ANAPC1: variants seen among roughly 807,000 people sequenced by gnomAD.
ANAPC1 encodes anaphase promoting complex subunit 1.
In ANAPC1, 36 loss-of-function variants were observed where a neutral mutation model predicts 208.0. The ratio of observed to expected loss-of-function variants is 0.17; its 90% CI spans 0.13 to 0.23. ANAPC1 has a LOEUF of 0.23. Among genes scored for constraint, ANAPC1 ranks in the 10% least tolerant of loss-of-function variants. The pLI, the probability that ANAPC1 is intolerant of heterozygous loss-of-function variation, is 1.00. For missense variants in ANAPC1, 942 were observed against 2,011.6 expected (o/e 0.47, Z 10.17); for synonymous variants, 378 against 695.2 (o/e 0.54, Z 7.18).
rs1214379976 is a variant in ANAPC1, at chr2:111,824,844, C to T, written c.2812+122G>A. 3.9e-6 allele frequency: 4 copies of T among 1,031,980 alleles called. No individual in the cohort carries two copies. The African/African-American group carries it at 4.8e-5, about 12-fold the overall frequency. The allele number at this position is 1,031,980 out of a possible 1,614,324, so 63.9% of individuals were successfully genotyped here. ...GAAAAAAAGAATATGGCTTGATGAA[C>T]CATAATCTCAATCTTGTGAGGCCTT... On this transcript the variant is annotated intron_variant, in intron 24 of 47. Coordinates refer to ENST00000341068, the MANE Select transcript of ANAPC1 (RefSeq NM_022662.4).
At chr2:111,870,516 T>C (rs545168209) in intron 6 of ANAPC1, among the ~76,000 whole-genome samples, 1 of 151,808 alleles carries the variant, frequency 6.6e-6, no homozygotes, top group Non-Finnish European at 1.5e-5. Context: ...GTATCTTCTT[T>C]TGAGAACTGT....
intron 38 of ANAPC1, among the ~76,000 whole-genome samples, chr2:111,791,040 A>C (rs1370410700): frequency 6.6e-6 from 1 of 152,270 alleles, no homozygotes; most frequent in Non-Finnish European, 1.5e-5. Context: ...ATACTTAAAA[A>C]TTGATAAGTT....
intron 1 of ANAPC1, among the ~76,000 whole-genome samples, chr2:111,882,566 C>T (rs1344575997): frequency 6.7e-6 from 1 of 150,128 alleles, no homozygotes; most frequent in Non-Finnish European, 1.5e-5. Context: ...CCTGTCTCTA[C>T]TAAAAATACA....
intron 7 of ANAPC1, chr2:111,866,276 T>C (rs1682409639): frequency 2.6e-6 from 1 of 378,554 alleles, no homozygotes; most frequent in African/African-American, 2.2e-5. Flanking sequence ...GTGAAGCGAG[T>C]GTCTTCAATG....
intron 17 of ANAPC1, among the ~76,000 whole-genome samples, chr2:111,839,333 T>C (rs1680637384): frequency 6.6e-6 from 1 of 152,262 alleles, no homozygotes; most frequent in Non-Finnish European, 1.5e-5. Context: ...ATTACAATAG[T>C]GAGCCTATCT....
intron 1 of ANAPC1, among the ~76,000 whole-genome samples, chr2:111,881,682 G>A (rs559179314): frequency 3.3e-5 from 5 of 152,236 alleles, no homozygotes; most frequent in South Asian, 2.1e-4. Flanking sequence ...ATTGTCCTTC[G>A]ATCCACTTTC....
chr2:111,852,138 C>T (rs1232940383), intron 13 of ANAPC1, among the ~76,000 whole-genome samples: 22 of 149,198 alleles, frequency 1.5e-4, no homozygotes, highest in Non-Finnish European at 4.5e-5. Flanking sequence ...AAGCACATAC[C>T]ATGCTATTCC....
At chr2:111,829,253 T>C (rs1680000499) in intron 21 of ANAPC1, among the ~76,000 whole-genome samples, 1 of 152,246 alleles carries the variant, frequency 6.6e-6, no homozygotes, top group South Asian at 2.1e-4. Context: ...AAATATTATG[T>C]TATATATATT....
rs1677036404 is a variant in ANAPC1 at position 111,777,165 on chromosome 2, T to G, written c.5386-108A>C. 1.3e-5 allele frequency: 8 copies of G among 629,772 alleles called. No homozygotes were observed. In the South Asian group the frequency reaches 1.3e-4, roughly 11 times the overall value. 39.0% of individuals were successfully genotyped at this position (629,772 alleles called of 1,614,324 possible). A position where few individuals can be genotyped will look rare whatever the true frequency, so the allele number is the denominator to read the frequency against. Reference sequence around the variant, plus strand: ...AAATGTGGCTCCGAATTATAAAGGGTCGGGGGGTGGTCCATTCTGTGTTTT... The same window carrying G: ...AAATGTGGCTCCGAATTATAAAGGGGCGGGGGGTGGTCCATTCTGTGTTTT... On this transcript the variant is annotated intron_variant, in intron 45 of 47. Transcript: ENST00000341068.
intron 20 of ANAPC1, among the ~76,000 whole-genome samples, chr2:111,831,935 GACTT>G (rs1680163881): frequency 6.8e-6 from 1 of 147,356 alleles, no homozygotes; most frequent in Non-Finnish European, 1.5e-5. Flanking sequence ...GAATTTAAAT[GACTT>G]CTATTTTATC....
Position 111,769,219 on chromosome 2 carries a change from T to C in ANAPC1, c.*72A>G. ...TACCATAAAACTTTATAAACATTGC[T>C]TTAGCTTTGATGTTTGGTCACGTTT... On this transcript the variant is annotated 3_prime_UTR_variant, in exon 48 of 48. Transcript: ENST00000341068. The C allele has an allele frequency of 4.4e-6, 7 of 1,598,130 alleles. No homozygotes were observed.
At chr2:111,847,973 T>C (rs1681185609) in intron 14 of ANAPC1, 108 bp from the exon 15 acceptor site, 2 of 905,196 alleles carry the variant, frequency 2.2e-6, no homozygotes, top group Non-Finnish European at 3.2e-6. Flanking sequence ...CAATAATATG[T>C]AATGATTCAA....
intron 13 of ANAPC1, 138 bp downstream of exon 13, chr2:111,856,473 AATT>A (rs1190002584): frequency 1.2e-6 from 1 of 841,922 alleles, no homozygotes; most frequent in Non-Finnish European, 1.8e-6. Flanking sequence ...CTTCACTGAG[AATT>A]ATTAACAAAA....
At position 111,843,400 on chromosome 2, in the gene ANAPC1, G is replaced by GT; in HGVS notation, c.2040+11dup. ...AGAATAACTCATAAAGAAAACAATAGTATTTACTTACATTTCTAGTCCATG... is the reference window on the plus strand; with the variant it reads ...AGAATAACTCATAAAGAAAACAATAGTTATTTACTTACATTTCTAGTCCATG... On this transcript the variant is annotated intron_variant, in intron 17 of 47. Coordinates refer to ENST00000341068, the MANE Select transcript of ANAPC1 (RefSeq NM_022662.4). 2 of 1,611,472 alleles carry GT rather than the reference G, an allele frequency of 1.2e-6. No individual in the cohort carries two copies. The highest frequency in any genetic ancestry group is 1.7e-6 in the Non-Finnish European group (2 of 1,179,502).
rs1251133750 is a variant in ANAPC1, at chr2:111,779,834, C to G, written c.5289+465G>C. The G allele has an allele frequency of 5.7e-5, 13 of 229,992 alleles. No homozygotes were observed. In the South Asian group the frequency reaches 7.0e-4, roughly 12 times the overall value. The allele number at this position is 229,992 out of a possible 1,614,324, so 14.2% of individuals were successfully genotyped here. ...CTCCAGCCTGGGCAACAGAAAAAAC[C>G]GACCCTGTCTCAAAAAACAAAAAAC... On this transcript the variant is annotated intron_variant, in intron 44 of 47. Transcript: ENST00000341068.
intron 45 of ANAPC1, among the ~76,000 whole-genome samples, chr2:111,778,054 AT>A (rs2104478396): frequency 6.6e-6 from 1 of 152,400 alleles, no homozygotes; most frequent in Non-Finnish European, 1.5e-5. Flanking sequence ...TTAACTCCAA[AT>A]CTGGGTCTGA....
intron 46 of ANAPC1, among the ~76,000 whole-genome samples, chr2:111,775,806 G>GA (rs1676977551): frequency 6.6e-6 from 1 of 152,144 alleles, no homozygotes; most frequent in African/African-American, 2.4e-5. Flanking sequence ...GAATAAAAAC[G>GA]AAACACGAAA....
intron 28 of ANAPC1, among the ~76,000 whole-genome samples, chr2:111,813,219 A>C: frequency 1.0e-5 from 1 of 100,126 alleles, no homozygotes; most frequent in Non-Finnish European, 2.3e-5. Flanking sequence ...CTCCTCCCTT[A>C]GCACAACTGT....
chr2:111,876,411 G>A (rs1344794483), intron 3 of ANAPC1, among the ~76,000 whole-genome samples: 1 of 152,030 alleles, frequency 6.6e-6, no homozygotes. Context: ...ATATTTTCCA[G>A]ATCAAAAGAC....
Sources: gnomAD v4.1 joint callset for allele counts (sites outside exome capture counted in the v4.1 genomes callset) on GRCh38, gnomAD v4.1.1 for gene constraint, MANE v1.5 for transcripts, NCBI Gene and HGNC (gene_info 2026-07-23, HGNC 2026-07-21) for gene names.